The following KDM6A variants were observed in gnomAD, a reference collection of about 807,000 sequenced individuals.
KDM6A encodes the protein lysine demethylase 6A.
KDM6A carries 11 observed loss-of-function variants against 117.6 expected under a neutral mutation model. The ratio of observed to expected loss-of-function variants is 0.09; its 90% CI spans 0.06 to 0.15. The LOEUF (loss-of-function observed/expected upper bound fraction) is 0.15. Among genes scored for constraint, KDM6A ranks in the 10% least tolerant of loss-of-function variants. The pLI is 1.00. For synonymous variants in KDM6A, 384 were observed against 396.1 expected (o/e 0.97, Z 0.36); for missense variants, 799 against 1,077.3 (o/e 0.74, Z 3.62).
chrX:45,011,579 AC>A (rs1317680293), intron 5 of KDM6A, among the ~76,000 whole-genome samples: 9 of 111,213 alleles, frequency 8.1e-5, no homozygotes, highest in African/African-American at 2.9e-4. Flanking sequence ...AAAGTGAAGT[AC>A]CCTGTAATAT....
intron 2 of KDM6A, among the ~76,000 whole-genome samples, chrX:44,902,529 A>T (rs879144610): frequency 5.5e-5 from 6 of 109,089 alleles, no homozygotes; most frequent in Non-Finnish European, 1.1e-4. Flanking sequence ...AGCTGGGATT[A>T]CAGGCGTATG....
rs1287114199 is a variant in KDM6A at position 45,076,959 on chromosome X, C to CG, written c.2988+140dup. ...GGCAGCAGATTAAATAGTTTGGGGG[C>CG]GGGGGGGAAGATATATTCAAGAAGA... On this transcript the variant is annotated intron_variant, in intron 19 of 29. Transcript: ENST00000611820. 5 of 526,817 alleles carry CG rather than the reference C, an allele frequency of 9.5e-6. No homozygotes were observed. The East Asian group carries it at 1.2e-4, about 12-fold the overall frequency. The allele number at this position is 526,817 out of a possible 1,213,427, so 43.4% of individuals were successfully genotyped here.
Position 45,107,627 on chromosome X carries a change from C to A in KDM6A, c.4161+91C>A, listed in dbSNP as rs2046579453. Reference sequence around the variant, plus strand: ...TTTATTTTTAAAAAACTTTTTTATACTTTTATGTAATCCAGTTTATAGTAA... The same window carrying A: ...TTTATTTTTAAAAAACTTTTTTATAATTTTATGTAATCCAGTTTATAGTAA... On this transcript the variant is annotated intron_variant, in intron 28 of 29. Coordinates refer to ENST00000611820, the MANE Select transcript of KDM6A (RefSeq NM_001291415.2). The A allele has an allele frequency of 7.7e-6, 7 of 914,850 alleles. No homozygotes were observed. The South Asian group carries it at 1.3e-4, about 18-fold the overall frequency. 75.4% of individuals were successfully genotyped at this position (914,850 alleles called of 1,213,427 possible).
intron 3 of KDM6A, among the ~76,000 whole-genome samples, chrX:44,964,468 A>AAG (rs1234816953): frequency 1.8e-5 from 2 of 108,594 alleles, no homozygotes; most frequent in African/African-American, 6.7e-5. Flanking sequence ...AAAAAAAAAA[A>AAG]GACTTGGAAG....
At position 44,873,416 on chromosome X, in the gene KDM6A, T is replaced by TCGC. The variant is rs2031032783; in HGVS notation, c.-128_-126dup. 6.6e-6 allele frequency: 6 copies of TCGC among 911,475 alleles called. No individual in the cohort carries two copies. The highest frequency in any genetic ancestry group is 7.5e-6 in the Non-Finnish European group (5 of 664,921). 75.1% of individuals were successfully genotyped at this position (911,475 alleles called of 1,213,427 possible). On this transcript the variant is annotated 5_prime_UTR_variant, in exon 1 of 30. Coordinates refer to ENST00000611820, the MANE Select transcript of KDM6A (RefSeq NM_001291415.2). ...ACCGCCGCCGCGTTGGGATTTTTCG[T>TCGC]CGCCGCCGCCCGCGGCGGAGGAGGA... is the stretch of plus-strand genomic sequence containing the variant.
chrX:44,898,826 C>T (rs1228346859), intron 2 of KDM6A, among the ~76,000 whole-genome samples: 1 of 109,457 alleles, frequency 9.1e-6, no homozygotes, highest in Non-Finnish European at 1.9e-5. Flanking sequence ...GTAGGGGCTC[C>T]AGTCCCACAG....
At chrX:44,933,267 T>A (rs2036761546) in intron 2 of KDM6A, among the ~76,000 whole-genome samples, 1 of 82,979 alleles carries the variant, frequency 1.2e-5, no homozygotes, top group Non-Finnish European at 2.4e-5. Flanking sequence ...TTGATTTTTT[T>A]TTTTTTTTTT....
intron 2 of KDM6A, among the ~76,000 whole-genome samples, chrX:44,910,004 TA>T (rs2034984638): frequency 8.9e-6 from 1 of 112,046 alleles, no homozygotes; most frequent in Non-Finnish European, 1.9e-5. Flanking sequence ...AAATTACACT[TA>T]ATTTAACTGA....
chrX:44,986,482 A>C (rs1314424564), intron 4 of KDM6A, among the ~76,000 whole-genome samples: 1 of 110,843 alleles, frequency 9.0e-6, no homozygotes, highest in Non-Finnish European at 1.9e-5. Flanking sequence ...TTGCTTCTCT[A>C]GTTCTTTTAA....
At chrX:44,923,749 G>A (rs2036129854) in intron 2 of KDM6A, among the ~76,000 whole-genome samples, 1 of 109,503 alleles carries the variant, frequency 9.1e-6, no homozygotes, top group Non-Finnish European at 1.9e-5. Context: ...AAGACAGTCA[G>A]TCTCCCTCTG....
In KDM6A at chrX:45,107,541, G is replaced by A; in HGVS notation, c.4161+5G>A. On this transcript the variant is annotated splice_donor_5th_base_variant and intron_variant, in intron 28 of 29. Coordinates refer to ENST00000611820, the MANE Select transcript of KDM6A (RefSeq NM_001291415.2). Reference sequence around the variant, plus strand: ...CATTACTGTAGCATTTGTGAAGTAAGTAATTGTTTTTATCCACAGTTGTTT... The same window carrying A: ...CATTACTGTAGCATTTGTGAAGTAAATAATTGTTTTTATCCACAGTTGTTT... 1 of 1,200,143 alleles carries A rather than the reference G, an allele frequency of 8.3e-7. No homozygotes were observed. The highest frequency in any genetic ancestry group is 1.1e-6 in the Non-Finnish European group (1 of 892,181).
At chrX:44,882,199 A>T (rs1272670188) in intron 2 of KDM6A, among the ~76,000 whole-genome samples, 2 of 111,823 alleles carry the variant, frequency 1.8e-5, no homozygotes, top group Admixed American at 1.9e-4. Context: ...TTGAAAAAAA[A>T]GTTTATTAGG....
At chrX:44,897,146 T>C (rs1190858933) in intron 2 of KDM6A, among the ~76,000 whole-genome samples, 1 of 108,945 alleles carries the variant, frequency 9.2e-6, no homozygotes, top group African/African-American at 3.3e-5. Flanking sequence ...TTCTTTTTTT[T>C]TTTTTTTTTA....
intron 2 of KDM6A, among the ~76,000 whole-genome samples, chrX:44,899,224 CGTGTGTGT>C (rs572085670): frequency 0.017 from 821 of 49,249 alleles, 11 homozygotes; most frequent in African/African-American, 0.052. Context: ...TGTGTGTATG[CGTGTGTGT>C]GTGTGTGTGT....
chrX:45,082,495 T>C (rs981627532), intron 21 of KDM6A, 81 bp from the exon 22 acceptor site: 16 of 626,171 alleles, frequency 2.6e-5, no homozygotes, highest in African/African-American at 4.5e-5. Flanking sequence ...AATCTAGATA[T>C]GAACTTTTTT....
chrX:44,902,329 C>T (rs2034401003), intron 2 of KDM6A, among the ~76,000 whole-genome samples: 1 of 111,596 alleles, frequency 9.0e-6, no homozygotes, highest in African/African-American at 3.3e-5. Flanking sequence ...TTTACATCTG[C>T]CATTTTACTG....
chrX:44,982,493 A>G (rs972117592), intron 4 of KDM6A, among the ~76,000 whole-genome samples: 1 of 111,908 alleles, frequency 8.9e-6, no homozygotes, highest in African/African-American at 3.3e-5. Flanking sequence ...ATCACATAGT[A>G]TTAGGTTGGC....
At chrX:45,101,368 T>A (rs2046334649) in intron 27 of KDM6A, among the ~76,000 whole-genome samples, 1 of 110,125 alleles carries the variant, frequency 9.1e-6, no homozygotes, top group South Asian at 3.7e-4. Context: ...AAATGGTAGT[T>A]GTTGTAATTA....
Position 45,110,167 on chromosome X carries a change from C to T in KDM6A, c.4250C>T (p.Thr1417Ile). ...IVHCQDCARK[T>I]SGNLENFVVL... is the part of the protein sequence containing the mutation. ...CATTGCCAAGATTGTGCACGAAAAA[C>T]AAGCGGAAACTTGGAAAACTTTGTG... The change falls in exon 29 of 30, where the codon ACA becomes ATA. Residue 1417 changes from threonine (T) to isoleucine (I), a missense_variant. Coordinates refer to ENST00000611820, the MANE Select transcript of KDM6A (RefSeq NM_001291415.2). 1.7e-6 allele frequency: 2 copies of T among 1,210,263 alleles called. No homozygotes were observed. The highest frequency in any genetic ancestry group is 2.2e-6 in the Non-Finnish European group (2 of 894,414).
Sources: allele counts gnomAD v4.1 joint callset (sites outside exome capture counted in the v4.1 genomes callset), GRCh38; gene constraint gnomAD v4.1.1; transcripts MANE v1.5; gene names NCBI Gene and HGNC (gene_info 2026-07-23, HGNC 2026-07-21).